MBD5: variants seen among roughly 807,000 people sequenced by gnomAD.
MBD5 encodes methyl-CpG binding domain protein 5, also known as methyl-CpG-binding domain protein 5.
MBD5 carries 13 observed loss-of-function variants against 117.3 expected under a neutral mutation model. The observed-to-expected ratio is 0.11, with a 90% CI of 0.07 to 0.18. The LOEUF (loss-of-function observed/expected upper bound fraction) is 0.18, where lower values mean the gene tolerates loss of function less well. Among genes scored for constraint, MBD5 ranks in the 10% least tolerant of loss-of-function variants. MBD5 has a pLI of 1.00. For synonymous variants in MBD5, 727 were observed against 766.4 expected (o/e 0.95, Z 0.85); for missense variants, 1,879 against 2,093.8 (o/e 0.90, Z 2.00).
In MBD5 at chr2:148,021,593, C is replaced by T; in HGVS notation, c.-1016C>T. 2 of 494,560 alleles carry T rather than the reference C, an allele frequency of 4.0e-6. No homozygotes were observed. The highest frequency in any genetic ancestry group is 3.3e-5 in the South Asian group (2 of 60,652). The allele number at this position is 494,560 out of a possible 1,614,324, so 30.6% of individuals were successfully genotyped here. A position where few individuals can be genotyped will look rare whatever the true frequency, so the allele number is the denominator to read the frequency against. On this transcript the variant is annotated 5_prime_UTR_variant, in exon 1 of 14. Transcript: ENST00000642680. ...TTCCCCAGCTCTCCTCCTCCTCCTTCGCCTCCTCCTCCTCCACTCCCCCCC... is the reference window on the plus strand; with the variant it reads ...TTCCCCAGCTCTCCTCCTCCTCCTTTGCCTCCTCCTCCTCCACTCCCCCCC...
At chr2:148,245,065 C>A (rs991971747) in intron 3 of MBD5, among the ~76,000 whole-genome samples, 2 of 152,150 alleles carry the variant, frequency 1.3e-5, no homozygotes, top group Admixed American at 1.3e-4. Flanking sequence ...GGCACATGAT[C>A]ACTATTGAAT....
At position 148,483,196 on chromosome 2, in the gene MBD5, G is replaced by A. The variant is rs116207524; in HGVS notation, c.2605G>A (p.Val869Ile). 1,154 of 1,613,578 alleles carry A rather than the reference G, an allele frequency of 7.2e-4. 2 individuals carry two copies. Among genetic ancestry groups the A allele is most frequent in the Non-Finnish European group, 9.3e-4 (1,098 of 1,179,942 alleles). ...TKTTSVLQDG[V>I]IVTTAAGNPL... The stretch of plus-strand genomic sequence containing the variant: ...GACAACATCTGTTCTTCAAGATGGC[G>A]TCATAGTCACCACTGCAGCTGGAAA... The change falls in exon 9 of 14, where the codon GTC becomes ATC. Residue 869 changes from valine to isoleucine, a missense_variant. Around this residue, in one of 4 missense-constraint regions of MBD5, gnomAD observed 1,666 missense variants for 1,792.2 expected, o/e 0.93. Coordinates refer to ENST00000642680, the MANE Select transcript of MBD5 (RefSeq NM_001378120.1).
chr2:148,398,180 G>T (rs553279395), intron 4 of MBD5, among the ~76,000 whole-genome samples: 5 of 152,272 alleles, frequency 3.3e-5, no homozygotes, highest in South Asian at 4.2e-4. Context: ...GTAATGGGAT[G>T]GCTGGGTCAA....
chr2:148,423,961 G>A (rs995284913), intron 4 of MBD5, among the ~76,000 whole-genome samples: 6 of 151,764 alleles, frequency 4.0e-5, no homozygotes, highest in South Asian at 2.1e-4. Flanking sequence ...GGCAGATCAC[G>A]AGGTCAGGAG....
intron 1 of MBD5, among the ~76,000 whole-genome samples, chr2:148,074,480 G>GTT (rs1251751988): frequency 1.6e-5 from 2 of 123,466 alleles, no homozygotes; most frequent in East Asian, 2.5e-4. Flanking sequence ...CAAAGGAATA[G>GTT]TTTGTTTTTT....
intron 7 of MBD5, among the ~76,000 whole-genome samples, chr2:148,466,603 T>C (rs1454773157): frequency 6.6e-6 from 1 of 152,178 alleles, no homozygotes; most frequent in Non-Finnish European, 1.5e-5. Flanking sequence ...CCAAGCACAG[T>C]GCCCAAAATA....
intron 3 of MBD5, among the ~76,000 whole-genome samples, chr2:148,325,003 C>T (rs1284261097): frequency 6.6e-6 from 1 of 152,112 alleles, no homozygotes; most frequent in Non-Finnish European, 1.5e-5. Flanking sequence ...TTTTGAAATA[C>T]ATCCCATCAA....
At chr2:148,338,658 A>C (rs562771699) in intron 3 of MBD5, among the ~76,000 whole-genome samples, 1 of 152,304 alleles carries the variant, frequency 6.6e-6, no homozygotes, top group East Asian at 1.9e-4. Context: ...TATGAGCAAA[A>C]TATGTGTATT....
chr2:148,410,249 A>G (rs1430931822), intron 4 of MBD5, among the ~76,000 whole-genome samples: 3 of 152,166 alleles, frequency 2.0e-5, no homozygotes, highest in Non-Finnish European at 1.5e-5. Context: ...AGTAAAAAGC[A>G]ATACTTCTTT....
Position 148,484,139 on chromosome 2 carries a change from A to C in MBD5, c.3544+4A>C. ...CTACTGGGGACAGGTCTACTTGGTA[A>C]GTTAAATTTTTTCACAAATTTTTTA... is the stretch of plus-strand genomic sequence containing the variant. On this transcript the variant is annotated splice_donor_region_variant and intron_variant, in intron 9 of 13. Coordinates refer to ENST00000642680, the MANE Select transcript of MBD5 (RefSeq NM_001378120.1). 1 of 1,418,134 alleles carries C rather than the reference A, an allele frequency of 7.1e-7. No individual in the cohort carries two copies. 87.8% of individuals were successfully genotyped at this position (1,418,134 alleles called of 1,614,324 possible).
chr2:148,172,578 G>T (rs908239282), intron 1 of MBD5, among the ~76,000 whole-genome samples: 1 of 152,188 alleles, frequency 6.6e-6, no homozygotes, highest in African/African-American at 2.4e-5. Context: ...GAGACAGACA[G>T]GCTCCTGGGT....
intron 1 of MBD5, among the ~76,000 whole-genome samples, chr2:148,165,718 A>G (rs1166140525): frequency 2.6e-5 from 4 of 152,122 alleles, no homozygotes; most frequent in African/African-American, 4.8e-5. Context: ...ATCTGCAACA[A>G]TATCTACAGC....
intron 2 of MBD5, among the ~76,000 whole-genome samples, chr2:148,195,526 C>T (rs1698961402): frequency 6.6e-6 from 1 of 152,100 alleles, no homozygotes; most frequent in African/African-American, 2.4e-5. Context: ...AAAATAGAAA[C>T]CTTCAACAAC....
chr2:148,428,374 T>C (rs1271015690), intron 4 of MBD5, among the ~76,000 whole-genome samples: 1 of 152,206 alleles, frequency 6.6e-6, no homozygotes, highest in Non-Finnish European at 1.5e-5. Flanking sequence ...AAACGTTCCA[T>C]GCTCATAGAT....
At chr2:148,046,023 T>C (rs1175667393) in intron 1 of MBD5, among the ~76,000 whole-genome samples, 3 of 138,744 alleles carry the variant, frequency 2.2e-5, no homozygotes, top group Non-Finnish European at 4.6e-5. Flanking sequence ...CTCGCGGTGT[T>C]GCCAGGCTGG....
intron 3 of MBD5, among the ~76,000 whole-genome samples, chr2:148,255,097 C>T (rs1700553877): frequency 6.6e-6 from 1 of 152,218 alleles, no homozygotes; most frequent in East Asian, 1.9e-4. Flanking sequence ...TAGGTGTGGG[C>T]CCAGTCCACA....
chr2:148,226,382 G>A (rs1176135365), intron 2 of MBD5, among the ~76,000 whole-genome samples: 1 of 152,004 alleles, frequency 6.6e-6, no homozygotes, highest in African/African-American at 2.4e-5. Flanking sequence ...TTGTCCTTGT[G>A]ATAGTTTGCT....
chr2:148,234,175 T>G (rs938025791), intron 3 of MBD5, among the ~76,000 whole-genome samples: 4 of 152,064 alleles, frequency 2.6e-5, no homozygotes, highest in African/African-American at 7.2e-5. Flanking sequence ...TAAAACAAAA[T>G]AAAAATATAC....
intron 1 of MBD5, among the ~76,000 whole-genome samples, chr2:148,077,697 G>A (rs1695541307): frequency 6.6e-6 from 1 of 152,134 alleles, no homozygotes; most frequent in African/African-American, 2.4e-5. Flanking sequence ...TAATAGAGGA[G>A]GAGGGTATTT....
Sources: gnomAD v4.1 joint callset for allele counts (sites outside exome capture counted in the v4.1 genomes callset) on GRCh38, gnomAD v4.1.1 for gene constraint, gnomAD v4.1.1 regional missense constraint, MANE v1.5 for transcripts, NCBI Gene and HGNC (gene_info 2026-07-23, HGNC 2026-07-21) for gene names.